Variants in PBX1 observed in about 807,000 individuals in gnomAD.
The protein encoded by PBX1 is pre-B-cell leukemia transcription factor 1.
Under a neutral mutation model 53.4 loss-of-function variants are expected in PBX1, and 6 were observed. The ratio of observed to expected loss-of-function variants is 0.11; its 90% confidence interval spans 0.06 to 0.22. The LOEUF is 0.22. PBX1 is among the 10% of genes least tolerant of loss of function. The pLI is 1.00. For missense variants in PBX1, 251 were observed against 551.4 expected (o/e 0.46, Z 5.46); for synonymous variants, 204 against 212.3 (o/e 0.96, Z 0.34).
chr1:164,848,936 G>C lies in PBX1; in HGVS notation c.*2260G>C, dbSNP rs1671697696. 1 of 1,074,534 alleles carries C rather than the reference G, an allele frequency of 9.3e-7. No homozygotes were observed. The highest frequency in any genetic ancestry group is 1.6e-5 in the African/African-American group (1 of 61,466). The allele number at this position is 1,074,534 out of a possible 1,614,324, so 66.6% of individuals were successfully genotyped here. ...ATTTAGCAAAATGAAATTATGCCTT[G>C]ATGACTAAAAGGCACTAGAAAGGTT... On this transcript the variant is annotated 3_prime_UTR_variant, in exon 9 of 9. Transcript: ENST00000420696.
intron 2 of PBX1, among the ~76,000 whole-genome samples, chr1:164,663,333 C>T (rs1031449224): frequency 6.6e-6 from 1 of 151,752 alleles, no homozygotes; most frequent in South Asian, 2.1e-4. Context: ...TCTCTTCTTC[C>T]CTTTCCTCCT....
chr1:164,690,826 A>G (rs762452403), intron 2 of PBX1, among the ~76,000 whole-genome samples: 7 of 151,660 alleles, frequency 4.6e-5, no homozygotes, highest in Admixed American at 3.3e-4. Context: ...CTGACAACAC[A>G]GGTAGACTAG....
chr1:164,647,363 C>T (rs1659516765), intron 2 of PBX1, among the ~76,000 whole-genome samples: 1 of 152,088 alleles, frequency 6.6e-6, no homozygotes, highest in African/African-American at 2.4e-5. Flanking sequence ...AGAGCCACCA[C>T]TACAGCCAAA....
chr1:164,763,610 G>T (rs1666918689), intron 2 of PBX1, among the ~76,000 whole-genome samples: 1 of 152,194 alleles, frequency 6.6e-6, no homozygotes, highest in South Asian at 2.1e-4. Flanking sequence ...GATAGACCGA[G>T]GAGTCATTTT....
intron 2 of PBX1, among the ~76,000 whole-genome samples, chr1:164,624,999 T>C (rs1437724367): frequency 6.6e-6 from 1 of 152,226 alleles, no homozygotes; most frequent in East Asian, 1.9e-4. Context: ...AATTTTAGAA[T>C]GTATTTCTAT....
intron 2 of PBX1, among the ~76,000 whole-genome samples, chr1:164,566,191 G>A (rs1021424781): frequency 1.3e-5 from 2 of 152,092 alleles, no homozygotes; most frequent in East Asian, 1.9e-4. Flanking sequence ...AAAGTAGAAG[G>A]TGCCATCTGA....
At chr1:164,810,885 C>T (rs796609125) in intron 5 of PBX1, among the ~76,000 whole-genome samples, 2 of 152,088 alleles carry the variant, frequency 1.3e-5, no homozygotes, top group African/African-American at 4.8e-5. Context: ...AAAGGCTTGG[C>T]ATTTCTGCTG....
intron 2 of PBX1, chr1:164,590,260 G>T: frequency 2.3e-6 from 1 of 443,302 alleles, no homozygotes; most frequent in Non-Finnish European, 4.5e-6. Flanking sequence ...GAAATACCTT[G>T]GCCAGCGCAA....
chr1:164,782,029 C>A (rs1360713347), intron 2 of PBX1, among the ~76,000 whole-genome samples: 2 of 152,164 alleles, frequency 1.3e-5, no homozygotes, highest in Non-Finnish European at 2.9e-5. Flanking sequence ...CAAAACAAAA[C>A]CCTCTGAAAA....
At chr1:164,694,022 A>G (rs1461479293) in intron 2 of PBX1, among the ~76,000 whole-genome samples, 1 of 152,036 alleles carries the variant, frequency 6.6e-6, no homozygotes, top group Non-Finnish European at 1.5e-5. Context: ...ATTATCTCAG[A>G]TGTCACAGAA....
chr1:164,685,368 C>T (rs1662037755), intron 2 of PBX1, among the ~76,000 whole-genome samples: 1 of 152,146 alleles, frequency 6.6e-6, no homozygotes, highest in Non-Finnish European at 1.5e-5. Context: ...TTTTAGCCCA[C>T]AAAAATAGCA....
intron 8 of PBX1, among the ~76,000 whole-genome samples, chr1:164,844,176 A>T (rs1383706382): frequency 2.0e-5 from 3 of 148,710 alleles, no homozygotes; most frequent in East Asian, 3.9e-4. Flanking sequence ...TTAAAAACTT[A>T]AAAAAAAAGT....
At chr1:164,667,951 T>C (rs539973542) in intron 2 of PBX1, among the ~76,000 whole-genome samples, 102 of 152,328 alleles carry the variant, frequency 6.7e-4, no homozygotes, top group Non-Finnish European at 1.3e-3. Flanking sequence ...CTGTCCTGGC[T>C]GTACACAAAT....
At chr1:164,839,193 C>T (rs1325101141) in intron 8 of PBX1, among the ~76,000 whole-genome samples, 1 of 152,182 alleles carries the variant, frequency 6.6e-6, no homozygotes, top group Non-Finnish European at 1.5e-5. Flanking sequence ...TTTGTACTGT[C>T]TCCTAGCACT....
intron 2 of PBX1, among the ~76,000 whole-genome samples, chr1:164,723,701 C>T (rs938457554): frequency 3.3e-5 from 5 of 152,126 alleles, no homozygotes; most frequent in Non-Finnish European, 7.4e-5. Context: ...TGCTATGCGC[C>T]GGAAGCTTAA....
chr1:164,870,306 T>TTTCC (rs1672340483), intron 2 of PBX1, among the ~76,000 whole-genome samples: 4 of 75,218 alleles, frequency 5.3e-5, no homozygotes. Context: ...TCTTTCTTTC[T>TTTCC]TTCTTTCTTT....
chr1:164,644,735 G>A (rs546629037), intron 2 of PBX1, among the ~76,000 whole-genome samples: 2 of 152,236 alleles, frequency 1.3e-5, no homozygotes, highest in East Asian at 3.9e-4. Context: ...TATTAAATCA[G>A]TTCTGAACTT....
rs560053148 is a variant in PBX1 at position 164,788,223 on chromosome 1, G to A, written c.266-4271G>A. On this transcript the variant is annotated intron_variant, in intron 2 of 8. Coordinates refer to ENST00000420696, the MANE Select transcript of PBX1 (RefSeq NM_002585.4). ...GTGTTAACATCTCTGGTGTCCTGGC[G>A]AAAGGTTCATTTGAGTCTTGCATGG... 4.6e-5 allele frequency among the ~76,000 whole-genome samples: 7 copies of A among 152,206 alleles called. No individual in the cohort carries two copies. The East Asian group carries it at 1.4e-3, about 29-fold the overall frequency.
In PBX1 at chr1:164,559,844, A is replaced by T; in HGVS notation, c.22A>T (p.Met8Leu). The change falls in exon 1 of 9, where the codon ATG (methionine) becomes TTG (leucine). Residue 8 changes from methionine to leucine, a missense_variant. Met to Leu is a conservative substitution (Grantham distance 15). Around this residue, in one of 4 missense-constraint regions of PBX1, gnomAD observed 63 missense variants for 78.7 expected, o/e 0.80. Transcript: ENST00000420696. The stretch of plus-strand genomic sequence containing the variant: ...GGAGATGGACGAGCAGCCCAGGCTG[A>T]TGCATTCCCATGCTGGGGTCGGGAT... MDEQPRL[M>L]HSHAGVGMAG... The T allele has an allele frequency of 6.5e-7, 1 of 1,548,998 alleles. No individual in the cohort carries two copies.
Sources: allele counts gnomAD v4.1 joint callset (sites outside exome capture counted in the v4.1 genomes callset), GRCh38; gene constraint gnomAD v4.1.1; regional missense constraint gnomAD v4.1.1; transcripts MANE v1.5; gene names NCBI Gene and HGNC (gene_info 2026-07-23, HGNC 2026-07-21).